Variants in AUTS2 observed in about 807,000 individuals in gnomAD.
The protein encoded by AUTS2 is autism susceptibility gene 2 protein.
A neutral mutation model predicts 112.4 loss-of-function variants in AUTS2; 17 were observed. The ratio of observed to expected loss-of-function variants is 0.15; its 90% CI spans 0.10 to 0.23. AUTS2 has a LOEUF of 0.23. AUTS2 is among the 10% of genes least tolerant of loss of function. The pLI is 1.00. For missense variants in AUTS2, 1,510 were observed against 1,701.6 expected (o/e 0.89, Z 1.98); for synonymous variants, 751 against 702.7 (o/e 1.07, Z -1.09).
chr7:69,917,358 A>G (rs181975134), intron 2 of AUTS2, among the ~76,000 whole-genome samples: 3 of 146,462 alleles, frequency 2.0e-5, no homozygotes, highest in African/African-American at 2.6e-5. Context: ...ATTTTCTATA[A>G]TGTCTTCCTT....
intron 5 of AUTS2, among the ~76,000 whole-genome samples, chr7:70,458,125 C>T (rs956616944): frequency 2.0e-5 from 3 of 152,118 alleles, no homozygotes; most frequent in African/African-American, 7.2e-5. Flanking sequence ...CTCAGGCCAC[C>T]CCTCCTTCTA....
intron 4 of AUTS2, among the ~76,000 whole-genome samples, chr7:70,415,357 C>T (rs985041829): frequency 1.3e-5 from 2 of 152,188 alleles, no homozygotes; most frequent in Non-Finnish European, 2.9e-5. Flanking sequence ...GCTTGCCTAA[C>T]AGCACAGTCT....
chr7:70,242,152 G>A (rs1290724118), intron 4 of AUTS2, among the ~76,000 whole-genome samples: 1 of 152,166 alleles, frequency 6.6e-6, no homozygotes, highest in Non-Finnish European at 1.5e-5. Context: ...ATAGAGGTTA[G>A]ACATGAATAG....
rs182939578 is a variant in AUTS2, at chr7:70,062,784, T to G, written c.523-55348T>G. On this transcript the variant is annotated intron_variant, in intron 2 of 18. Coordinates refer to ENST00000342771, the MANE Select transcript of AUTS2 (RefSeq NM_015570.4). Reference sequence around the variant, plus strand: ...TTAGCAAAGAGTTACATGAACTCTGTTGTTTTGAATTAAGAGGTCAGTTGT... The same window carrying G: ...TTAGCAAAGAGTTACATGAACTCTGGTGTTTTGAATTAAGAGGTCAGTTGT... Among the ~76,000 whole-genome samples the G allele has an allele frequency of 1.1e-3, 174 of 152,322 alleles. 1 individual carries two copies. In the East Asian group the frequency reaches 0.013, roughly 11 times the overall value.
chr7:69,694,680 C>T (rs555106819), intron 1 of AUTS2, among the ~76,000 whole-genome samples: 2 of 152,216 alleles, frequency 1.3e-5, no homozygotes, highest in South Asian at 2.1e-4. Flanking sequence ...AGTTGGCTTT[C>T]GTTGTTCTGT....
chr7:70,428,947 T>A (rs1007083180), intron 4 of AUTS2, among the ~76,000 whole-genome samples: 6 of 152,196 alleles, frequency 3.9e-5, no homozygotes, highest in Non-Finnish European at 7.4e-5. Context: ...CAAATGAAAA[T>A]GAAAAATATT....
chr7:70,195,566 G>A (rs1361023215), intron 4 of AUTS2, among the ~76,000 whole-genome samples: 6 of 152,116 alleles, frequency 3.9e-5, no homozygotes, highest in Non-Finnish European at 4.4e-5. Context: ...CACAAAAATC[G>A]CTTGAACTTG....
intron 2 of AUTS2, among the ~76,000 whole-genome samples, chr7:70,087,514 T>G (rs1486192719): frequency 6.6e-6 from 1 of 151,642 alleles, no homozygotes; most frequent in Non-Finnish European, 1.5e-5. Flanking sequence ...GGATTACAGG[T>G]GCCCACCACC....
chr7:69,869,603 T>C lies in AUTS2; in HGVS notation c.310-29683T>C, dbSNP rs1793391660. On this transcript the variant is annotated intron_variant, in intron 1 of 18. Transcript: ENST00000342771. ...AAAAATATTGGATAAGCAAATAAAT[T>C]TGTGGTATTCTTGGGGAATCTTGGA... 5.3e-5 allele frequency among the ~76,000 whole-genome samples: 8 copies of C among 151,852 alleles called. No individual in the cohort carries two copies. In the South Asian group the frequency reaches 1.7e-3, roughly 32 times the overall value.
chr7:69,948,541 A>G (rs1480559492), intron 2 of AUTS2, among the ~76,000 whole-genome samples: 1 of 152,164 alleles, frequency 6.6e-6, no homozygotes, highest in African/African-American at 2.4e-5. Context: ...CTCATTAATC[A>G]TATAAATATT....
chr7:70,036,763 A>G (rs1352202410), intron 2 of AUTS2, among the ~76,000 whole-genome samples: 2 of 152,234 alleles, frequency 1.3e-5, no homozygotes, highest in Non-Finnish European at 2.9e-5. Flanking sequence ...AATTCCGAAG[A>G]CACCAAAACT....
intron 4 of AUTS2, among the ~76,000 whole-genome samples, chr7:70,332,306 TAAGAG>T (rs924215655): frequency 6.6e-6 from 1 of 151,996 alleles, no homozygotes; most frequent in Non-Finnish European, 1.5e-5. Context: ...TTCATAGAAA[TAAGAG>T]AGGACACAAA....
At chr7:69,625,720 T>C (rs1042069847) in intron 1 of AUTS2, among the ~76,000 whole-genome samples, 2 of 151,954 alleles carry the variant, frequency 1.3e-5, no homozygotes, top group African/African-American at 4.8e-5. Context: ...TAGCTGGATG[T>C]GGTGGCTTAC....
intron 2 of AUTS2, among the ~76,000 whole-genome samples, chr7:70,002,094 A>G (rs952268904): frequency 5.9e-5 from 9 of 152,184 alleles, no homozygotes; most frequent in African/African-American, 1.9e-4. Flanking sequence ...TTGAGTCCCA[A>G]TAGTATTTCC....
At chr7:70,075,947 T>C (rs2129563754) in intron 2 of AUTS2, among the ~76,000 whole-genome samples, 1 of 152,308 alleles carries the variant, frequency 6.6e-6, no homozygotes, top group South Asian at 2.1e-4. Flanking sequence ...GGCCATACAG[T>C]CTCTGGTACA....
chr7:69,718,685 T>G (rs1798752183), intron 1 of AUTS2, among the ~76,000 whole-genome samples: 1 of 152,186 alleles, frequency 6.6e-6, no homozygotes, highest in South Asian at 2.1e-4. Flanking sequence ...TCCCCTTTGC[T>G]ATGTGTAGTA....
At chr7:70,745,237 G>T (rs1211033919) in intron 6 of AUTS2, among the ~76,000 whole-genome samples, 1 of 152,090 alleles carries the variant, frequency 6.6e-6, no homozygotes, top group East Asian at 1.9e-4. Flanking sequence ...TTTGAGCTTA[G>T]TCATTCGGGC....
intron 2 of AUTS2, among the ~76,000 whole-genome samples, chr7:70,058,695 A>T (rs558108247): frequency 6.6e-5 from 10 of 151,558 alleles, no homozygotes; most frequent in African/African-American, 2.4e-4. Flanking sequence ...ACAAAATCTT[A>T]TGTCATACTT....
chr7:70,769,469 A>G (rs1790188801), intron 10 of AUTS2, among the ~76,000 whole-genome samples: 1 of 152,228 alleles, frequency 6.6e-6, no homozygotes, highest in Non-Finnish European at 1.5e-5. Flanking sequence ...GCGGATCACA[A>G]GGTCAGGAGA....
Sources: allele counts gnomAD v4.1 joint callset (sites outside exome capture counted in the v4.1 genomes callset), GRCh38; gene constraint gnomAD v4.1.1; transcripts MANE v1.5; gene names NCBI Gene and HGNC (gene_info 2026-07-23, HGNC 2026-07-21).